The following COMMD1 variants were observed in gnomAD, a reference collection of about 807,000 sequenced individuals.
COMMD1 encodes the protein COMM domain-containing protein 1.
A neutral mutation model predicts 17.2 loss-of-function variants in COMMD1; 10 were observed. The observed-to-expected ratio is 0.58, with a 90% CI of 0.36 to 0.99. The LOEUF is 0.99. Ranked by LOEUF, COMMD1 falls within the 50% of genes least tolerant of loss-of-function variation. The pLI is 0.01. For synonymous variants in COMMD1, 97 were observed against 91.6 expected (o/e 1.06, Z -0.34); for missense variants, 270 against 231.8 (o/e 1.17, Z -1.07).
intron 1 of COMMD1, among the ~76,000 whole-genome samples, chr2:61,990,304 C>G (rs917727132): frequency 2.0e-5 from 3 of 152,170 alleles, no homozygotes; most frequent in Non-Finnish European, 2.9e-5. Context: ...GAATTTAAAT[C>G]TAGAGGTCAG....
intron 2 of COMMD1, among the ~76,000 whole-genome samples, chr2:62,082,916 T>C (rs1488690520): frequency 6.6e-6 from 1 of 152,178 alleles, no homozygotes; most frequent in Admixed American, 6.5e-5. Flanking sequence ...TTCCTTGATA[T>C]CAGCTATCCA....
At position 62,102,240 on chromosome 2, in the gene COMMD1, T is replaced by A. The variant is rs193116219; in HGVS notation, c.463-33591T>A. On this transcript the variant is annotated intron_variant, in intron 2 of 2. Coordinates refer to ENST00000311832, the MANE Select transcript of COMMD1 (RefSeq NM_152516.4). ...GTTGACTATAAATCACCTGGACTCC[T>A]CTTCCATGAGACTAGACTTAAATTT... is the stretch of plus-strand genomic sequence containing the variant. Among the ~76,000 whole-genome samples the A allele has an allele frequency of 5.9e-5, 9 of 152,350 alleles. No homozygotes were observed. In the East Asian group the frequency reaches 1.7e-3, roughly 29 times the overall value.
chr2:62,064,703 C>G (rs1670976573), intron 2 of COMMD1, among the ~76,000 whole-genome samples: 1 of 152,154 alleles, frequency 6.6e-6, no homozygotes, highest in Non-Finnish European at 1.5e-5. Context: ...TTTCAACTCC[C>G]TCTTTGTTCT....
At chr2:61,933,413 A>G (rs949302579) in intron 1 of COMMD1, among the ~76,000 whole-genome samples, 5 of 151,796 alleles carry the variant, frequency 3.3e-5, no homozygotes, top group Admixed American at 3.3e-4. Flanking sequence ...GGCAGGCCAA[A>G]AAGTCAACAT....
chr2:62,085,540 C>G (rs1223348386), intron 2 of COMMD1, among the ~76,000 whole-genome samples: 2 of 151,424 alleles, frequency 1.3e-5, no homozygotes, highest in Non-Finnish European at 2.9e-5. Flanking sequence ...TTTTTCTAGA[C>G]GAAAGATAAA....
At chr2:61,904,031 C>T (rs375843587), upstream of COMMD1, among the ~76,000 whole-genome samples, 16 of 152,078 alleles carry the variant, frequency 1.1e-4, no homozygotes, top group South Asian at 2.7e-3. Context: ...TTTTTTGAGA[C>T]GGAGTCTCCC....
intron 2 of COMMD1, among the ~76,000 whole-genome samples, chr2:62,124,068 G>C (rs968458551): frequency 6.6e-6 from 1 of 152,208 alleles, no homozygotes; most frequent in Admixed American, 6.5e-5. Flanking sequence ...GGGAGGCCAA[G>C]GTGGGCAGAT....
chr2:62,115,828 T>C (rs1206493011), intron 2 of COMMD1, among the ~76,000 whole-genome samples: 1 of 138,280 alleles, frequency 7.2e-6, no homozygotes, highest in South Asian at 2.2e-4. Context: ...TTGGTGGGTT[T>C]TTTTTTTCTT....
Position 61,912,745 on chromosome 2 carries a change from A to C in COMMD1, c.180+6887A>C, listed in dbSNP as rs141434628. Among the ~76,000 whole-genome samples, 1,470 of 152,214 alleles carry C rather than the reference A, an allele frequency of 9.7e-3. 18 individuals carry two copies. The highest frequency in any genetic ancestry group is 0.033 in the African/African-American group (1,370 of 41,524). ...CAAGACTCCATCTCAAAAAAAAAAAAAAAACAGTTTTATTGTAACATGACT... is the reference window on the plus strand; with the variant it reads ...CAAGACTCCATCTCAAAAAAAAAAACAAAACAGTTTTATTGTAACATGACT... On this transcript the variant is annotated intron_variant, in intron 1 of 2. Transcript: ENST00000311832.
intron 1 of COMMD1, among the ~76,000 whole-genome samples, chr2:61,938,114 C>T (rs1456704475): frequency 3.9e-5 from 6 of 151,960 alleles, no homozygotes; most frequent in Non-Finnish European, 7.4e-5. Flanking sequence ...ACTAGAATGT[C>T]GGGTGATGGT....
intron 1 of COMMD1, among the ~76,000 whole-genome samples, chr2:61,977,724 T>C (rs1671842436): frequency 6.6e-6 from 1 of 151,170 alleles, no homozygotes; most frequent in Non-Finnish European, 1.5e-5. Flanking sequence ...TGGTGGCTCA[T>C]GCCTGTAATC....
intron 1 of COMMD1, among the ~76,000 whole-genome samples, chr2:61,971,432 T>G (rs1349949035): frequency 6.6e-6 from 1 of 152,042 alleles, no homozygotes. Context: ...AGAAAGTTAG[T>G]CCTCTTTCCA....
chr2:61,953,449 A>G (rs1671112332), intron 1 of COMMD1, among the ~76,000 whole-genome samples: 1 of 149,362 alleles, frequency 6.7e-6, no homozygotes, highest in African/African-American at 2.5e-5. Context: ...GCTCACTGCA[A>G]CCTCCACCTC....
chr2:62,041,212 T>G (rs1385267135), intron 2 of COMMD1, among the ~76,000 whole-genome samples: 10 of 152,360 alleles, frequency 6.6e-5, no homozygotes, highest in African/African-American at 2.4e-4. Flanking sequence ...GGAACTTCTT[T>G]AATTCGTGGC....
chr2:61,935,601 C>T (rs1670587109), intron 1 of COMMD1, among the ~76,000 whole-genome samples: 1 of 151,774 alleles, frequency 6.6e-6, no homozygotes, highest in African/African-American at 2.4e-5. Flanking sequence ...TGCTACACTT[C>T]AGCCTGGGCG....
At chr2:61,898,154 A>G (rs1217064648) in intron 1 of COMMD1, among the ~76,000 whole-genome samples, 1 of 152,192 alleles carries the variant, frequency 6.6e-6, no homozygotes, top group African/African-American at 2.4e-5. Context: ...TCCTGGAGCC[A>G]AGAAGAATGG....
intron 2 of COMMD1, among the ~76,000 whole-genome samples, chr2:62,014,906 A>G (rs936843947): frequency 3.3e-5 from 5 of 151,812 alleles, no homozygotes; most frequent in African/African-American, 7.3e-5. Flanking sequence ...GGTATTAAGT[A>G]CAGCCCAGTG....
At chr2:62,083,859 T>C (rs184892764) in intron 2 of COMMD1, among the ~76,000 whole-genome samples, 2 of 152,352 alleles carry the variant, frequency 1.3e-5, no homozygotes, top group African/African-American at 4.8e-5. Context: ...ACAGAAAATA[T>C]TCTTAGTTCC....
chr2:62,014,187 C>G (rs1316717108), intron 2 of COMMD1, among the ~76,000 whole-genome samples: 1 of 152,150 alleles, frequency 6.6e-6, no homozygotes, highest in Admixed American at 6.5e-5. Flanking sequence ...AGCACGCAGC[C>G]CCTGGTGTTG....
Sources: allele counts gnomAD v4.1 joint callset (sites outside exome capture counted in the v4.1 genomes callset), GRCh38; gene constraint gnomAD v4.1.1; transcripts MANE v1.5; gene names NCBI Gene and HGNC (gene_info 2026-07-23, HGNC 2026-07-21).